Variants in PTPRT observed in about 807,000 individuals in gnomAD.
PTPRT encodes protein tyrosine phosphatase receptor type T.
A neutral mutation model predicts 176.8 loss-of-function variants in PTPRT; 56 were observed. The ratio of observed to expected loss-of-function variants is 0.32; its 90% confidence interval spans 0.26 to 0.40. The LOEUF is 0.40. Ranked by LOEUF, PTPRT falls within the 10% of genes least tolerant of loss-of-function variation. The pLI is 1.00. For synonymous variants in PTPRT, 783 were observed against 739.0 expected, an observed-to-expected ratio of 1.06 and a Z score of -0.96; for missense variants, 1,540 against 1,908.2, an observed-to-expected ratio of 0.81 and a Z score of 3.60.
intron 7 of PTPRT, among the ~76,000 whole-genome samples, chr20:42,653,512 C>A (rs1168420297): frequency 1.3e-5 from 2 of 152,166 alleles, no homozygotes; most frequent in Non-Finnish European, 2.9e-5. Context: ...AAATTCATGG[C>A]AGCAGGCAGC....
chr20:42,173,495 T>A (rs1990161592), intron 16 of PTPRT, among the ~76,000 whole-genome samples: 1 of 152,224 alleles, frequency 6.6e-6, no homozygotes, highest in Non-Finnish European at 1.5e-5. Flanking sequence ...ATAATTTTTT[T>A]CTTTTTGTCA....
Position 43,108,579 on chromosome 20 carries a change from G to A in PTPRT, c.88+81067C>T, listed in dbSNP as rs149863423. Among the ~76,000 whole-genome samples, 387 of 152,212 alleles carry A rather than the reference G, an allele frequency of 2.5e-3. 4 individuals carry two copies. The highest frequency in any genetic ancestry group is 9.1e-3 in the African/African-American group (378 of 41,538). ...ACTCGAGACAGGGTTGGGGGCGGGG[G>A]CTTGAGGACAGATAAGAAATCTGCC... On this transcript the variant is annotated intron_variant, in intron 1 of 30. Transcript: ENST00000373187.
intron 9 of PTPRT, among the ~76,000 whole-genome samples, chr20:42,416,734 C>A (rs1160424802): frequency 6.6e-6 from 1 of 152,038 alleles, no homozygotes; most frequent in Non-Finnish European, 1.5e-5. Flanking sequence ...AAATTAGGGT[C>A]CATCAACTTG....
In PTPRT at chr20:42,507,542, T is replaced by C. The variant is rs565763099; in HGVS notation, c.1154-34980A>G. Among the ~76,000 whole-genome samples, 23 of 152,292 alleles carry C rather than the reference T, an allele frequency of 1.5e-4. 1 individual carries two copies. Among genetic ancestry groups the C allele is most frequent in the Admixed American group, 1.3e-3 (20 of 15,288 alleles). ...TTAGCATCTCTGAGCCCCAGTCTTC[T>C]ATGTAAAAACAGGACAGTGATAAGG... On this transcript the variant is annotated intron_variant, in intron 7 of 30. Transcript: ENST00000373187.
At chr20:42,586,234 A>C (rs187733901) in intron 7 of PTPRT, among the ~76,000 whole-genome samples, 1 of 152,334 alleles carries the variant, frequency 6.6e-6, no homozygotes, top group East Asian at 1.9e-4. Context: ...TACTTTTTGG[A>C]AACAGTTTGC....
At chr20:42,824,483 A>C (rs1252330630) in intron 2 of PTPRT, among the ~76,000 whole-genome samples, 3 of 152,108 alleles carry the variant, frequency 2.0e-5, no homozygotes, top group Non-Finnish European at 4.4e-5. Context: ...AATGCATTTG[A>C]TGAGAACAGC....
chr20:42,039,662 C>CT, the PTPRT span, among the ~76,000 whole-genome samples: 1 of 101,404 alleles, frequency 9.9e-6, no homozygotes, highest in African/African-American at 3.2e-5. Flanking sequence ...AGATTTCCTT[C>CT]TTTTTTAAGG....
In PTPRT at chr20:42,117,994, G is replaced by A. The variant is rs183811104; in HGVS notation, c.2982+409C>T. Among the ~76,000 whole-genome samples, 109 of 152,290 alleles carry A rather than the reference G, an allele frequency of 7.2e-4. No individual in the cohort carries two copies. The Middle Eastern group carries it at 0.02, about 29-fold the overall frequency. On this transcript the variant is annotated intron_variant, in intron 21 of 30. Transcript: ENST00000373187. ...AGGGCAGAGACATGGCTTCTGTTGT[G>A]TTAGGCTGAGCCATAGGAAACAGTT...
intron 1 of PTPRT, among the ~76,000 whole-genome samples, chr20:42,986,326 G>A (rs958727343): frequency 1.3e-5 from 2 of 152,196 alleles, no homozygotes; most frequent in Non-Finnish European, 2.9e-5. Flanking sequence ...TCACTGAGGT[G>A]TTCCCAGTGT....
intron 6 of PTPRT, among the ~76,000 whole-genome samples, chr20:42,713,827 C>G (rs1458802765): frequency 6.6e-6 from 1 of 152,104 alleles, no homozygotes; most frequent in Non-Finnish European, 1.5e-5. Context: ...AGCACCTCCC[C>G]CTCTCTCTTC....
Position 42,078,878 on chromosome 20 carries a change from C to T in PTPRT, c.*2001G>A, listed in dbSNP as rs1600453975. On this transcript the variant is annotated 3_prime_UTR_variant, in exon 31 of 31. Coordinates refer to ENST00000373187, the MANE Select transcript of PTPRT (RefSeq NM_007050.6). ...TCCAGGAAGCCCGAGGCCGAAGAGACTTTCTTGCTCCTAGGCTCATGGAAC... is the reference window on the plus strand; with the variant it reads ...TCCAGGAAGCCCGAGGCCGAAGAGATTTTCTTGCTCCTAGGCTCATGGAAC... The T allele has an allele frequency of 5.7e-6, 1 of 175,094 alleles. No homozygotes were observed. 10.8% of individuals were successfully genotyped at this position (175,094 alleles called of 1,614,324 possible).
chr20:42,489,796 C>T (rs1032872922), intron 7 of PTPRT, among the ~76,000 whole-genome samples: 1 of 150,298 alleles, frequency 6.7e-6, no homozygotes, highest in African/African-American at 2.5e-5. Flanking sequence ...ATGAAAGACA[C>T]AAACTTTTTT....
chr20:42,693,692 A>G lies in PTPRT; in HGVS notation c.860-15533T>C, dbSNP rs75329693. ...AACCTTCAACATTGTGCCCTACTTT[A>G]TACTATAAACAAAGTCAATTCCAGG... On this transcript the variant is annotated intron_variant, in intron 6 of 30. Transcript: ENST00000373187. Among the ~76,000 whole-genome samples the G allele has an allele frequency of 2.3e-3, 352 of 152,340 alleles. 1 individual carries two copies. The highest frequency in any genetic ancestry group is 5.4e-3 in the Admixed American group (83 of 15,310).
chr20:42,135,349 G>A (rs181639302), intron 18 of PTPRT, among the ~76,000 whole-genome samples: 59 of 152,312 alleles, frequency 3.9e-4, no homozygotes, highest in African/African-American at 1.3e-3. Context: ...TATAAATTCA[G>A]TTTTGTTTTT....
At chr20:42,988,352 C>T (rs1983714541) in intron 1 of PTPRT, among the ~76,000 whole-genome samples, 1 of 152,182 alleles carries the variant, frequency 6.6e-6, no homozygotes. Flanking sequence ...GTTGACTATG[C>T]AGTCCGTGCT....
intron 15 of PTPRT, among the ~76,000 whole-genome samples, chr20:42,205,395 G>T (rs76547889): frequency 6.6e-6 from 1 of 152,134 alleles, no homozygotes; most frequent in Non-Finnish European, 1.5e-5. Context: ...TGAATCTGTG[G>T]CTGTTAGAAG....
chr20:42,352,346 A>C (rs1445376566), intron 9 of PTPRT, 61 bp from the exon 10 acceptor site: 1 of 1,570,486 alleles, frequency 6.4e-7, no homozygotes, highest in Admixed American at 1.7e-5. Flanking sequence ...AGCTGGATGG[A>C]GCTCCTTTAG....
intron 7 of PTPRT, among the ~76,000 whole-genome samples, chr20:42,481,864 G>A (rs1170601259): frequency 1.3e-5 from 2 of 151,986 alleles, no homozygotes; most frequent in Non-Finnish European, 2.9e-5. Context: ...TCAAAAGCAT[G>A]TGGTGTACTT....
At chr20:42,132,524 C>T in intron 18 of PTPRT, among the ~76,000 whole-genome samples, 1 of 152,138 alleles carries the variant, frequency 6.6e-6, no homozygotes, top group East Asian at 1.9e-4. Flanking sequence ...TCTGAACAGA[C>T]ACCTAATCAA....
Sources: allele counts gnomAD v4.1 joint callset (sites outside exome capture counted in the v4.1 genomes callset), GRCh38; gene constraint gnomAD v4.1.1; transcripts MANE v1.5; gene names NCBI Gene and HGNC (gene_info 2026-07-23, HGNC 2026-07-21).